HEXB: variants seen among roughly 807,000 people sequenced by gnomAD.
The protein encoded by HEXB is hexosaminidase subunit beta.
HEXB carries 51 observed loss-of-function variants against 71.2 expected under a neutral mutation model. The ratio of observed to expected loss-of-function variants is 0.72; its 90% CI spans 0.57 to 0.90. The LOEUF is 0.90. Among genes scored for constraint, HEXB ranks in the 40% least tolerant of loss-of-function variants. HEXB has a pLI of 0.00. For synonymous variants in HEXB, 266 were observed against 249.3 expected (o/e 1.07, Z -0.63); for missense variants, 617 against 677.0 (o/e 0.91, Z 0.98).
chr5:74,667,868 C>T (rs1213150455), intron 1 of HEXB, among the ~76,000 whole-genome samples: 1 of 152,110 alleles, frequency 6.6e-6, no homozygotes, highest in African/African-American at 2.4e-5. Context: ...GTGTGGATTC[C>T]TGATTAAGGG....
intron 13 of HEXB, 46 bp downstream of exon 13, chr5:74,720,793 AGT>A (rs1561229436): frequency 7.1e-7 from 1 of 1,414,072 alleles, no homozygotes; most frequent in East Asian, 2.3e-5. Flanking sequence ...CTTCTTATTC[AGT>A]GTTAGTTTCT....
chr5:74,673,339 G>T (rs1748572950), intron 1 of HEXB, among the ~76,000 whole-genome samples: 1 of 152,142 alleles, frequency 6.6e-6, no homozygotes, highest in Non-Finnish European at 1.5e-5. Context: ...AAATATTTCG[G>T]GTTGCTTATG....
intron 1 of HEXB, among the ~76,000 whole-genome samples, chr5:74,663,937 G>A (rs1273873819): frequency 6.6e-6 from 1 of 151,774 alleles, no homozygotes; most frequent in African/African-American, 2.4e-5. Context: ...ACCAGCCTGG[G>A]CAACATAGTG....
upstream of HEXB, among the ~76,000 whole-genome samples, chr5:74,681,626 G>A (rs182753187): frequency 1.3e-5 from 2 of 152,266 alleles, no homozygotes; most frequent in Admixed American, 1.3e-4. Flanking sequence ...TTTAAATAAT[G>A]AGTCAGAGTT....
intron 1 of HEXB, among the ~76,000 whole-genome samples, chr5:74,660,069 T>A (rs1321834530): frequency 1.3e-5 from 2 of 151,354 alleles, no homozygotes; most frequent in Non-Finnish European, 2.9e-5. Context: ...CTAATCTTTG[T>A]AAAAAAAATA....
rs758966182 is a variant in HEXB at position 74,705,293 on chromosome 5, C to CA, written c.745dup (p.Ile249AsnfsTer5). ...ATGACCAGTCTTTCCCATATCAGAG[C>CA]ATCACTTTTCCTGAGTTAAGCAATA... On this transcript the variant is annotated frameshift_variant, in exon 6 of 14. Transcript: ENST00000261416. LOFTEE classifies it high-confidence loss of function. 7.5e-6 allele frequency: 12 copies of CA among 1,604,132 alleles called. No individual in the cohort carries two copies. Among genetic ancestry groups the CA allele is most frequent in the African/African-American group, 1.3e-5 (1 of 74,726 alleles).
At chr5:74,715,123 C>T (rs905535213) in intron 7 of HEXB, among the ~76,000 whole-genome samples, 4 of 152,228 alleles carry the variant, frequency 2.6e-5, no homozygotes, top group African/African-American at 9.6e-5. Flanking sequence ...TCAGGAGAAG[C>T]TAGAGAAGGG....
At chr5:74,716,016 CAAAAAAAAAAAAA>C (rs71600435) in intron 8 of HEXB, among the ~76,000 whole-genome samples, 3 of 64,860 alleles carry the variant, frequency 4.6e-5, no homozygotes, top group African/African-American at 1.7e-4. Flanking sequence ...GACTCCATCT[CAAAAAAAAAAAAA>C]AAAAAAAAAA....
intron 1 of HEXB, among the ~76,000 whole-genome samples, chr5:74,661,563 G>C (rs2922092): frequency 0.76 from 100,567 of 133,180 alleles, 37,474 homozygotes; most frequent in Admixed American, 0.82. Context: ...GTGTGTGTGT[G>C]TCTCTCTCTC....
chr5:74,702,499 A>G (rs1322007861), intron 5 of HEXB, among the ~76,000 whole-genome samples: 1 of 152,228 alleles, frequency 6.6e-6, no homozygotes, highest in Non-Finnish European at 1.5e-5. Flanking sequence ...GCAGGAATAA[A>G]GCAGAAATGA....
At chr5:74,715,729 AAGAG>A (rs757442792) in intron 8 of HEXB, 39 bp downstream of exon 8, 26 of 1,424,342 alleles carry the variant, frequency 1.8e-5, no homozygotes, top group East Asian at 4.6e-5. Context: ...AAAAAAAAAA[AAGAG>A]AGGCTGGGTG....
Position 74,705,329 on chromosome 5 carries a change from A to G in HEXB, c.771+9A>G, listed in dbSNP as rs768648039. ...CTGAGTTAAGCAATAAAGTGAGTAA[A>G]TTGTATTGTACTCTGTCTACAAAAA... On this transcript the variant is annotated intron_variant, in intron 6 of 13. Coordinates refer to ENST00000261416, the MANE Select transcript of HEXB (RefSeq NM_000521.4). 1 of 1,389,342 alleles carries G rather than the reference A, an allele frequency of 7.2e-7. No homozygotes were observed. The highest frequency in any genetic ancestry group is 1.2e-5 in the South Asian group (1 of 86,656). 86.1% of individuals were successfully genotyped at this position (1,389,342 alleles called of 1,614,324 possible).
intron 1 of HEXB, among the ~76,000 whole-genome samples, chr5:74,644,350 G>C (rs1747961622): frequency 6.6e-6 from 1 of 152,218 alleles, no homozygotes; most frequent in Non-Finnish European, 1.5e-5. Flanking sequence ...GCAAGGTGGT[G>C]CTCTTTTGCT....
intron 5 of HEXB, among the ~76,000 whole-genome samples, chr5:74,701,852 G>T (rs895607756): frequency 1.3e-5 from 2 of 151,874 alleles, no homozygotes; most frequent in African/African-American, 4.8e-5. Flanking sequence ...ATTTCAGGAT[G>T]AATTTCTTAA....
intron 6 of HEXB, 89 bp downstream of exon 6, chr5:74,705,409 A>G (rs1749363041): frequency 3.7e-6 from 3 of 806,964 alleles, no homozygotes; most frequent in Non-Finnish European, 6.5e-6. Context: ...TCTTATGGAT[A>G]GAATCAAAGT....
At chr5:74,682,694 G>C (rs193258608), upstream of HEXB, among the ~76,000 whole-genome samples, 1 of 152,316 alleles carries the variant, frequency 6.6e-6, no homozygotes, top group East Asian at 1.9e-4. Context: ...ACAGTAAAAA[G>C]TGGCAGTAAA....
chr5:74,711,701 C>T (rs1471540189), intron 6 of HEXB, among the ~76,000 whole-genome samples: 3 of 151,976 alleles, frequency 2.0e-5, no homozygotes, highest in East Asian at 1.9e-4. Flanking sequence ...CATCACTGGC[C>T]GTCAGAGAAA....
intron 1 of HEXB, among the ~76,000 whole-genome samples, chr5:74,650,737 C>T (rs1036989951): frequency 1.4e-4 from 21 of 151,186 alleles, no homozygotes; most frequent in Non-Finnish European, 2.4e-4. Flanking sequence ...CGGGCTAACA[C>T]GGTGAAGTCC....
At chr5:74,660,873 A>C (rs962130748) in intron 1 of HEXB, among the ~76,000 whole-genome samples, 1 of 152,230 alleles carries the variant, frequency 6.6e-6, no homozygotes, top group African/African-American at 2.4e-5. Flanking sequence ...AGAAGCAACT[A>C]CAGACAAGTA....
Sources: allele counts gnomAD v4.1 joint callset (sites outside exome capture counted in the v4.1 genomes callset), GRCh38; gene constraint gnomAD v4.1.1; transcripts MANE v1.5; gene names NCBI Gene and HGNC (gene_info 2026-07-23, HGNC 2026-07-21).